The following TMEM132C variants were observed in gnomAD, a reference collection of about 807,000 sequenced individuals.
TMEM132C encodes transmembrane protein 132C, also known as protein phosphatase 1, regulatory subunit 152.
TMEM132C carries 29 observed loss-of-function variants against 61.4 expected under a neutral mutation model. That is an observed-to-expected ratio of 0.47 (90% CI 0.35 to 0.64). The LOEUF (loss-of-function observed/expected upper bound fraction) is 0.64, where lower values mean the gene tolerates loss of function less well. TMEM132C is among the 30% of genes least tolerant of loss of function. TMEM132C has a pLI of 0.00. For missense variants in TMEM132C, 1,408 were observed against 1,476.9 expected, an observed-to-expected ratio of 0.95 and a Z score of 0.76; for synonymous variants, 656 against 633.1, an observed-to-expected ratio of 1.04 and a Z score of -0.54.
intron 2 of TMEM132C, among the ~76,000 whole-genome samples, chr12:128,440,392 T>G (rs144728370): frequency 6.6e-6 from 1 of 152,186 alleles, no homozygotes; most frequent in African/African-American, 2.4e-5. Flanking sequence ...AAAATCTTCA[T>G]GAGAAACAGA....
chr12:128,331,221 G>A (rs1872657606), intron 1 of TMEM132C, among the ~76,000 whole-genome samples: 1 of 151,750 alleles, frequency 6.6e-6, no homozygotes, highest in African/African-American at 2.4e-5. Flanking sequence ...ACGTGAATGT[G>A]GTGCTAATTT....
intron 3 of TMEM132C, among the ~76,000 whole-genome samples, chr12:128,605,019 ATGAATGG>A (rs1876369433): frequency 2.7e-5 from 4 of 146,718 alleles, no homozygotes; most frequent in African/African-American, 1.1e-4. Context: ...TAGATAATAG[ATGAATGG>A]ATGGATGGAT....
chr12:128,550,448 G>C (rs894052954), intron 3 of TMEM132C, among the ~76,000 whole-genome samples: 2 of 152,052 alleles, frequency 1.3e-5, no homozygotes, highest in African/African-American at 4.8e-5. Flanking sequence ...GAGACTACAG[G>C]CATGCACCAC....
At chr12:128,589,628 A>C (rs1875682552) in intron 3 of TMEM132C, among the ~76,000 whole-genome samples, 1 of 152,076 alleles carries the variant, frequency 6.6e-6, no homozygotes, top group Non-Finnish European at 1.5e-5. Flanking sequence ...GTCATAAAAC[A>C]TGCAGAAATA....
intron 2 of TMEM132C, among the ~76,000 whole-genome samples, chr12:128,531,141 G>A (rs1405089430): frequency 6.6e-6 from 1 of 152,240 alleles, no homozygotes; most frequent in African/African-American, 2.4e-5. Flanking sequence ...TTTTGCTGTA[G>A]GAGTAGCCCC....
intron 1 of TMEM132C, among the ~76,000 whole-genome samples, chr12:128,387,810 AAG>A (rs1874634148): frequency 6.6e-6 from 1 of 152,144 alleles, no homozygotes; most frequent in Non-Finnish European, 1.5e-5. Context: ...TCTGTCTAAA[AAG>A]AAAGACAAAA....
intron 2 of TMEM132C, among the ~76,000 whole-genome samples, chr12:128,499,290 A>G (rs1872075684): frequency 6.6e-6 from 1 of 152,156 alleles, no homozygotes; most frequent in Admixed American, 6.5e-5. Context: ...GATACGCAAT[A>G]GTGTACATAT....
intron 4 of TMEM132C, among the ~76,000 whole-genome samples, chr12:128,666,098 C>A (rs1449489450): frequency 6.9e-6 from 1 of 145,144 alleles, no homozygotes; most frequent in Non-Finnish European, 1.5e-5. Flanking sequence ...CACAGGCACA[C>A]ATACCCATAA....
chr12:128,586,536 T>G (rs1875555654), intron 3 of TMEM132C, among the ~76,000 whole-genome samples: 1 of 152,188 alleles, frequency 6.6e-6, no homozygotes, highest in Non-Finnish European at 1.5e-5. Flanking sequence ...ATTTTTCCAC[T>G]ATTACATAAG....
intron 1 of TMEM132C, among the ~76,000 whole-genome samples, chr12:128,321,463 T>G (rs1018430952): frequency 6.6e-6 from 1 of 152,180 alleles, no homozygotes; most frequent in African/African-American, 2.4e-5. Context: ...ATTAGTGAGT[T>G]CCAGGTGTTA....
At chr12:128,704,872 G>A (rs1340371122) in intron 8 of TMEM132C, among the ~76,000 whole-genome samples, 2 of 152,204 alleles carry the variant, frequency 1.3e-5, no homozygotes, top group Admixed American at 1.3e-4. Context: ...TAAGGATTAT[G>A]AGGGCACTGT....
At chr12:128,445,584 T>C (rs1869950337) in intron 2 of TMEM132C, among the ~76,000 whole-genome samples, 1 of 152,076 alleles carries the variant, frequency 6.6e-6, no homozygotes, top group Non-Finnish European at 1.5e-5. Flanking sequence ...ACAAGCTTCT[T>C]CCTCTTCAGC....
intron 2 of TMEM132C, among the ~76,000 whole-genome samples, chr12:128,529,873 A>G (rs1487664618): frequency 6.6e-6 from 1 of 152,210 alleles, no homozygotes; most frequent in African/African-American, 2.4e-5. Context: ...AACCAGTTAC[A>G]GAAAAACAGT....
intron 1 of TMEM132C, among the ~76,000 whole-genome samples, chr12:128,368,128 C>A (rs1188214145): frequency 6.6e-6 from 1 of 152,238 alleles, no homozygotes; most frequent in Non-Finnish European, 1.5e-5. Flanking sequence ...ATCTAGCCAC[C>A]AGCCAGGGTG....
At chr12:128,547,776 C>A (rs942191984) in intron 3 of TMEM132C, among the ~76,000 whole-genome samples, 2 of 152,118 alleles carry the variant, frequency 1.3e-5, no homozygotes, top group African/African-American at 2.4e-5. Flanking sequence ...GGCTGTCACA[C>A]CAGCGGCTTC....
chr12:128,618,152 T>C (rs1033460301), intron 4 of TMEM132C, among the ~76,000 whole-genome samples: 5 of 152,222 alleles, frequency 3.3e-5, no homozygotes, highest in African/African-American at 1.2e-4. Flanking sequence ...AGCTCTGGAT[T>C]ACAAGTGTTC....
At chr12:128,580,116 C>T (rs1407327997) in intron 3 of TMEM132C, among the ~76,000 whole-genome samples, 1 of 152,096 alleles carries the variant, frequency 6.6e-6, no homozygotes, top group East Asian at 1.9e-4. Flanking sequence ...GCCTCAGTTC[C>T]CCCATCTGTA....
At chr12:128,335,924 A>G (rs546526537) in intron 1 of TMEM132C, among the ~76,000 whole-genome samples, 3 of 152,362 alleles carry the variant, frequency 2.0e-5, no homozygotes, top group South Asian at 2.1e-4. Flanking sequence ...TTGGAAACAC[A>G]GAGTGTAGAT....
At chr12:128,525,740 G>A (rs1873065631) in intron 2 of TMEM132C, among the ~76,000 whole-genome samples, 1 of 152,184 alleles carries the variant, frequency 6.6e-6, no homozygotes, top group African/African-American at 2.4e-5. Context: ...CATATGAGCT[G>A]AGCTGTTAGC....
Sources: allele counts gnomAD v4.1 joint callset (sites outside exome capture counted in the v4.1 genomes callset), GRCh38; gene constraint gnomAD v4.1.1; transcripts MANE v1.5; gene names NCBI Gene and HGNC (gene_info 2026-07-23, HGNC 2026-07-21).